DNAH6: variants seen among roughly 807,000 people sequenced by gnomAD.
DNAH6 encodes axonemal beta dynein heavy chain 6.
A neutral mutation model predicts 491.4 loss-of-function variants in DNAH6; 340 were observed. That is an observed-to-expected ratio of 0.69 (90% CI 0.63 to 0.76). DNAH6 has a LOEUF of 0.76. Among genes scored for constraint, DNAH6 ranks in the 30% least tolerant of loss-of-function variants. The pLI, the probability that DNAH6 is intolerant of heterozygous loss-of-function variation, is 0.00. For synonymous variants in DNAH6, 1,603 were observed against 1,686.1 expected (o/e 0.95, Z 1.21); for missense variants, 4,443 against 4,972.2 (o/e 0.89, Z 3.20).
At chr2:84,604,873 G>A (rs1685601100) in intron 19 of DNAH6, among the ~76,000 whole-genome samples, 1 of 152,100 alleles carries the variant, frequency 6.6e-6, no homozygotes, top group Admixed American at 6.5e-5. Context: ...TCTGTTAAAT[G>A]CTTCAAAAGA....
rs567529833 is a variant in DNAH6, at chr2:84,653,295, T to C, written c.5079-24T>C. The C allele has an allele frequency of 2.7e-5, 40 of 1,469,214 alleles. No homozygotes were observed. In the South Asian group the frequency reaches 5.0e-4, roughly 19 times the overall value. 91.0% of individuals were successfully genotyped at this position (1,469,214 alleles called of 1,614,324 possible). ...AATATCAATGACCAGTTGTTCCTAATTGATTTTATTTTTGTTTTGACAGTG... is the reference window on the plus strand; with the variant it reads ...AATATCAATGACCAGTTGTTCCTAACTGATTTTATTTTTGTTTTGACAGTG... On this transcript the variant is annotated intron_variant, in intron 33 of 76. Coordinates refer to ENST00000389394, the MANE Select transcript of DNAH6 (RefSeq NM_001370.2).
At chr2:84,679,532 A>G (rs941136969) in intron 41 of DNAH6, among the ~76,000 whole-genome samples, 2 of 152,230 alleles carry the variant, frequency 1.3e-5, no homozygotes, top group Non-Finnish European at 2.9e-5. Flanking sequence ...TCAGCTCCAT[A>G]AACTAGTGAT....
At chr2:84,462,115 A>G in the DNAH6 span, among the ~76,000 whole-genome samples, 1 of 152,190 alleles carries the variant, frequency 6.6e-6, no homozygotes, top group South Asian at 2.1e-4. Flanking sequence ...CTCCCTCACA[A>G]TTTGCCCACA....
chr2:84,497,081 G>A, the DNAH6 span, among the ~76,000 whole-genome samples: 2,047 of 149,970 alleles, frequency 0.014, 47 homozygotes, highest in African/African-American at 0.048. Flanking sequence ...AGCAATTCTC[G>A]TGCCTCAGCC....
chr2:84,619,416 T>C (rs1687182135), intron 23 of DNAH6, among the ~76,000 whole-genome samples: 1 of 152,190 alleles, frequency 6.6e-6, no homozygotes, highest in African/African-American at 2.4e-5. Context: ...GTTTCTAGCA[T>C]TTTTACAATT....
chr2:84,632,880 C>G (rs563988382), intron 29 of DNAH6, among the ~76,000 whole-genome samples: 1 of 152,312 alleles, frequency 6.6e-6, no homozygotes, highest in South Asian at 2.1e-4. Flanking sequence ...CCTAAATTAT[C>G]TCCACTTTCT....
In DNAH6 at chr2:84,589,156, C is replaced by A. The variant is rs193011570; in HGVS notation, c.2610+202C>A. Among the ~76,000 whole-genome samples the A allele has an allele frequency of 7.1e-4, 108 of 152,218 alleles. 1 individual carries two copies. The highest frequency in any genetic ancestry group is 2.5e-3 in the African/African-American group (102 of 41,534). On this transcript the variant is annotated intron_variant, in intron 16 of 76. Coordinates refer to ENST00000389394, the MANE Select transcript of DNAH6 (RefSeq NM_001370.2). ...TTAAAGACTAACACACATGAGATACCGAATATCTTTCTTATTAAAATAATT... is the reference window on the plus strand; with the variant it reads ...TTAAAGACTAACACACATGAGATACAGAATATCTTTCTTATTAAAATAATT...
chr2:84,595,676 C>G lies in DNAH6; in HGVS notation c.2755C>G (p.Leu919Val), dbSNP rs1279860557. 1 of 1,550,116 alleles carries G rather than the reference C, an allele frequency of 6.5e-7. No individual in the cohort carries two copies. Among genetic ancestry groups the G allele is most frequent in the East Asian group, 2.4e-5 (1 of 40,850 alleles). ...SKFDCLDPEV[L>V]NGQVSKYAKF... ...ATTTGATTGCCTGGATCCAGAAGTC[C>G]TAAACGGTCAAGTTTCTAAATATGC... is the stretch of plus-strand genomic sequence containing the variant. The change falls in exon 18 of 77, where the codon CTA becomes GTA. Residue 919 changes from leucine (L) to valine (V), a missense_variant. Transcript: ENST00000389394.
At position 84,557,859 on chromosome 2, in the gene DNAH6, C is replaced by A; in HGVS notation, c.1727C>A (p.Thr576Asn). The A allele has an allele frequency of 6.2e-7, 1 of 1,612,674 alleles. No individual in the cohort carries two copies. Among genetic ancestry groups the A allele is most frequent in the South Asian group, 1.1e-5 (1 of 91,020 alleles). Residue 576 changes from threonine (T) to asparagine (N), a missense_variant, in exon 11 of 77, where the codon ACC becomes AAC. Thr to Asn is a moderately conservative substitution (Grantham distance 65). This residue lies in a region of DNAH6 where 2,977 missense variants were observed against 3,296.6 expected (regional missense o/e 0.90). Coordinates refer to ENST00000389394, the MANE Select transcript of DNAH6 (RefSeq NM_001370.2). The stretch of plus-strand genomic sequence containing the variant: ...ATTAACAACAAACTTGAAGGAAAAA[C>A]CTGTGGAACTGGGCCAAGTTTAGCA... ...PYINNKLEGK[T>N]CGTGPSLAAV...
At chr2:84,764,510 G>C (rs1674888137) in intron 64 of DNAH6, among the ~76,000 whole-genome samples, 1 of 152,102 alleles carries the variant, frequency 6.6e-6, no homozygotes, top group South Asian at 2.1e-4. Context: ...TGCAAGGGGA[G>C]TAAAAAATAA....
chr2:84,792,622 C>A (rs573936017), intron 68 of DNAH6, among the ~76,000 whole-genome samples: 4 of 151,972 alleles, frequency 2.6e-5, no homozygotes, highest in African/African-American at 7.2e-5. Flanking sequence ...TTAGTAGCTC[C>A]AAAAAAGGAA....
intron 18 of DNAH6, among the ~76,000 whole-genome samples, chr2:84,599,273 T>C (rs1465916429): frequency 6.6e-6 from 1 of 152,138 alleles, no homozygotes; most frequent in Non-Finnish European, 1.5e-5. Context: ...TCCAGTCAGT[T>C]GCTTGTCTTT....
At chr2:84,701,741 T>C (rs1695920498) in intron 49 of DNAH6, among the ~76,000 whole-genome samples, 1 of 152,104 alleles carries the variant, frequency 6.6e-6, no homozygotes, top group Non-Finnish European at 1.5e-5. Context: ...AGGATGGTGG[T>C]AAGCCATGAG....
At chr2:84,622,070 A>G (rs1687449103) in intron 26 of DNAH6, among the ~76,000 whole-genome samples, 1 of 152,224 alleles carries the variant, frequency 6.6e-6, no homozygotes, top group African/African-American at 2.4e-5. Flanking sequence ...AAATAGCACT[A>G]AAACTTTATA....
At chr2:84,799,462 A>G (rs1250337174) in intron 70 of DNAH6, among the ~76,000 whole-genome samples, 1 of 152,248 alleles carries the variant, frequency 6.6e-6, no homozygotes, top group African/African-American at 2.4e-5. Flanking sequence ...CCACCAGGTC[A>G]GGGAACATGA....
chr2:84,713,298 T>C, intron 57 of DNAH6, 39 bp downstream of exon 57: 1 of 1,537,718 alleles, frequency 6.5e-7, no homozygotes, highest in Non-Finnish European at 8.8e-7. Context: ...CTTAACTGGA[T>C]TATCATGGTG....
chr2:84,737,409 C>G (rs1301790985), intron 62 of DNAH6, among the ~76,000 whole-genome samples: 1 of 152,006 alleles, frequency 6.6e-6, no homozygotes, highest in Non-Finnish European at 1.5e-5. Flanking sequence ...TTGGTACCAG[C>G]TCTTCTTTGT....
intron 47 of DNAH6, among the ~76,000 whole-genome samples, chr2:84,699,007 A>G (rs1695636481): frequency 6.6e-6 from 1 of 152,194 alleles, no homozygotes; most frequent in Admixed American, 6.5e-5. Flanking sequence ...GTTGGGAACA[A>G]TAGACAACGC....
chr2:84,570,861 T>G (rs980070467), intron 11 of DNAH6, among the ~76,000 whole-genome samples: 2 of 152,204 alleles, frequency 1.3e-5, no homozygotes, highest in African/African-American at 4.8e-5. Flanking sequence ...CCGCACTACC[T>G]TTAAGAGCTG....
Sources: allele counts gnomAD v4.1 joint callset (sites outside exome capture counted in the v4.1 genomes callset), GRCh38; gene constraint gnomAD v4.1.1; regional missense constraint gnomAD v4.1.1; transcripts MANE v1.5; gene names NCBI Gene and HGNC (gene_info 2026-07-23, HGNC 2026-07-21).